The following DENND1A variants were observed in gnomAD, a reference collection of about 807,000 sequenced individuals.
DENND1A encodes the protein DENN domain-containing protein 1A.
A neutral mutation model predicts 113.7 loss-of-function variants in DENND1A; 51 were observed. The ratio of observed to expected loss-of-function variants is 0.45; its 90% CI spans 0.36 to 0.57. The LOEUF (loss-of-function observed/expected upper bound fraction) is 0.57, where lower values mean the gene tolerates loss of function less well. Ranked by LOEUF, DENND1A falls within the 20% of genes least tolerant of loss-of-function variation. The probability of loss-of-function intolerance (pLI) is 0.00; values close to 1 mark genes in which losing one functional copy is unlikely to be tolerated. For missense variants in DENND1A, 1,258 were observed against 1,395.9 expected, an observed-to-expected ratio of 0.90 and a Z score of 1.57; for synonymous variants, 565 against 570.8, an observed-to-expected ratio of 0.99 and a Z score of 0.14.
At chr9:123,713,406 G>C (rs1589774260) in intron 5 of DENND1A, among the ~76,000 whole-genome samples, 1 of 152,174 alleles carries the variant, frequency 6.6e-6, no homozygotes, top group East Asian at 1.9e-4. Context: ...AGGAGTAACT[G>C]TGGATGTGGC....
At chr9:123,777,844 A>T (rs541835167) in intron 3 of DENND1A, among the ~76,000 whole-genome samples, 7 of 152,230 alleles carry the variant, frequency 4.6e-5, no homozygotes, top group Non-Finnish European at 1.0e-4. Context: ...TGCTTTTGAG[A>T]GAGAATTATT....
chr9:123,428,657 C>T (rs974275800), intron 19 of DENND1A, among the ~76,000 whole-genome samples: 1 of 152,200 alleles, frequency 6.6e-6, no homozygotes, highest in Non-Finnish European at 1.5e-5. Flanking sequence ...AAAACCCCAT[C>T]GTCTCAGCCC....
Position 123,807,427 on chromosome 9 carries a change from A to G in DENND1A, c.89-14797T>C, listed in dbSNP as rs113047578. ...CTGTAATATTCGCTACTTTGGCAGC[A>G]TAATAAATGACTAAGCACCTGATTA... On this transcript the variant is annotated intron_variant, in intron 2 of 23. Transcript: ENST00000394215. Among the ~76,000 whole-genome samples the G allele has an allele frequency of 2.6e-3, 399 of 152,366 alleles. 5 individuals are homozygous for G. Among genetic ancestry groups the G allele is most frequent in the Admixed American group, 1.4e-3 (21 of 15,304 alleles).
intron 2 of DENND1A, among the ~76,000 whole-genome samples, chr9:123,845,622 T>C (rs933957255): frequency 4.9e-5 from 7 of 141,480 alleles, no homozygotes; most frequent in African/African-American, 2.0e-4. Flanking sequence ...GTGAGCTAAG[T>C]TCATGCCACT....
chr9:123,648,743 T>C (rs1392875736), intron 9 of DENND1A, among the ~76,000 whole-genome samples: 2 of 152,244 alleles, frequency 1.3e-5, no homozygotes, highest in Admixed American at 1.3e-4. Context: ...CTATTTTGTC[T>C]TCTAAATGTT....
chr9:123,727,053 CA>C (rs761624795), intron 5 of DENND1A, among the ~76,000 whole-genome samples: 7 of 152,288 alleles, frequency 4.6e-5, no homozygotes, highest in Non-Finnish European at 1.0e-4. Context: ...CCAGTTGTCA[CA>C]AGATCTAAAC....
intron 20 of DENND1A, among the ~76,000 whole-genome samples, chr9:123,410,052 A>G (rs10986012): frequency 0.15 from 23,312 of 152,238 alleles, 1,816 homozygotes; most frequent in Middle Eastern, 0.2. Context: ...AGATTGCACC[A>G]CTGCACTCCA....
intron 2 of DENND1A, among the ~76,000 whole-genome samples, chr9:123,817,759 G>T (rs1005390218): frequency 6.6e-6 from 1 of 152,264 alleles, no homozygotes; most frequent in Admixed American, 6.5e-5. Context: ...GGGCGTGGTG[G>T]CTCATGCCTG....
At chr9:123,905,048 A>G (rs964542029) in intron 1 of DENND1A, among the ~76,000 whole-genome samples, 3 of 152,140 alleles carry the variant, frequency 2.0e-5, no homozygotes, top group South Asian at 2.1e-4. Context: ...GTGGGGACCA[A>G]TATTCAACAT....
intron 13 of DENND1A, among the ~76,000 whole-genome samples, chr9:123,477,696 T>C (rs541518878): frequency 3.3e-5 from 5 of 151,996 alleles, no homozygotes; most frequent in African/African-American, 1.2e-4. Flanking sequence ...TGGCACACGT[T>C]TACCTATGTA....
At chr9:123,796,674 A>G (rs751011109) in intron 2 of DENND1A, among the ~76,000 whole-genome samples, 2 of 152,030 alleles carry the variant, frequency 1.3e-5, no homozygotes, top group Non-Finnish European at 2.9e-5. Context: ...GATCTTTTAC[A>G]ACAGAAATGC....
chr9:123,636,697 CTTTTTTTTTTT>C (rs112301152), intron 9 of DENND1A, among the ~76,000 whole-genome samples: 1 of 119,656 alleles, frequency 8.4e-6, no homozygotes, highest in Non-Finnish European at 1.7e-5. Context: ...GATTACCAGA[CTTTTTTTTTTT>C]TTTTTTTTTG....
intron 13 of DENND1A, among the ~76,000 whole-genome samples, chr9:123,519,475 C>T (rs1052060026): frequency 1.8e-4 from 28 of 151,598 alleles, no homozygotes; most frequent in South Asian, 1.5e-3. Context: ...TCTCACCCTG[C>T]TGCCCAGGCT....
intron 2 of DENND1A, among the ~76,000 whole-genome samples, chr9:123,871,686 C>T (rs575137925): frequency 6.6e-6 from 1 of 152,080 alleles, no homozygotes; most frequent in Non-Finnish European, 1.5e-5. Context: ...AGCACCATGT[C>T]TTAGGCATGC....
intron 13 of DENND1A, among the ~76,000 whole-genome samples, chr9:123,553,370 G>C (rs982221731): frequency 6.6e-6 from 1 of 151,392 alleles, no homozygotes; most frequent in Non-Finnish European, 1.5e-5. Context: ...ATCTCTGAGG[G>C]GGGCCTGGAC....
At chr9:123,425,438 G>A (rs1227234962) in intron 19 of DENND1A, among the ~76,000 whole-genome samples, 1 of 152,264 alleles carries the variant, frequency 6.6e-6, no homozygotes, top group Non-Finnish European at 1.5e-5. Context: ...CTGGCGCCGC[G>A]TGCGGGGATT....
chr9:123,694,905 T>C (rs1380970811), intron 5 of DENND1A, among the ~76,000 whole-genome samples: 3 of 152,190 alleles, frequency 2.0e-5, no homozygotes, highest in African/African-American at 7.2e-5. Context: ...GTGAGGGTAT[T>C]GCCAAAAGAG....
chr9:123,714,946 C>A (rs1589781097), intron 5 of DENND1A, among the ~76,000 whole-genome samples: 1 of 152,246 alleles, frequency 6.6e-6, no homozygotes, highest in Middle Eastern at 3.4e-3. Flanking sequence ...CTTTGGGAGG[C>A]TGAGGCAGGC....
At chr9:123,914,170 C>T (rs1479977590) in intron 1 of DENND1A, among the ~76,000 whole-genome samples, 1 of 151,964 alleles carries the variant, frequency 6.6e-6, no homozygotes, top group East Asian at 1.9e-4. Flanking sequence ...ACCATCAAGG[C>T]CTTTGTCAAG....
Sources: gnomAD v4.1 joint callset for allele counts (sites outside exome capture counted in the v4.1 genomes callset) on GRCh38, gnomAD v4.1.1 for gene constraint, MANE v1.5 for transcripts, NCBI Gene and HGNC (gene_info 2026-07-23, HGNC 2026-07-21) for gene names.